The following ARAP1 variants were observed in gnomAD, a reference collection of about 807,000 sequenced individuals.
ARAP1 encodes the protein arf-GAP with Rho-GAP domain, ANK repeat and PH domain-containing protein 1.
In ARAP1, 76 loss-of-function variants were observed where a neutral mutation model predicts 172.2. The observed-to-expected ratio is 0.44, with a 90% CI of 0.37 to 0.53. The LOEUF (loss-of-function observed/expected upper bound fraction) is 0.53. ARAP1 is among the 20% of genes least tolerant of loss of function. ARAP1 has a pLI of 0.00. For missense variants in ARAP1, 1,686 were observed against 1,977.5 expected, an observed-to-expected ratio of 0.85 and a Z score of 2.80; for synonymous variants, 804 against 803.3, an observed-to-expected ratio of 1.00 and a Z score of -0.01.
intron 33 of ARAP1, among the ~76,000 whole-genome samples, chr11:72,686,855 C>T (rs1855712248): frequency 3.3e-5 from 5 of 152,122 alleles, no homozygotes; most frequent in Admixed American, 3.3e-4. Flanking sequence ...CCACCCCCAC[C>T]CCCGCCAGTG....
intron 3 of ARAP1, among the ~76,000 whole-genome samples, chr11:72,724,474 T>C (rs2135569356): frequency 6.6e-6 from 1 of 152,222 alleles, no homozygotes; most frequent in African/African-American, 2.4e-5. Flanking sequence ...TGTTCCTCTC[T>C]ACATGCCATG....
chr11:72,745,057 G>A (rs1294939657), intron 1 of ARAP1, among the ~76,000 whole-genome samples: 1 of 152,112 alleles, frequency 6.6e-6, no homozygotes, highest in Non-Finnish European at 1.5e-5. Context: ...CTGGAAAAGT[G>A]TCAGTCTCCA....
At chr11:72,705,526 T>G in intron 13 of ARAP1, 1 of 410,900 alleles carries the variant, frequency 2.4e-6, no homozygotes, top group South Asian at 5.2e-5. Context: ...ATTTTCGGCT[T>G]TACAGAACAC....
At chr11:72,751,252 C>T (rs1565236316) in intron 1 of ARAP1, among the ~76,000 whole-genome samples, 1 of 152,146 alleles carries the variant, frequency 6.6e-6, no homozygotes, top group Non-Finnish European at 1.5e-5. Flanking sequence ...TCTCTCTACA[C>T]CTCTGCCAGC....
chr11:72,745,282 G>A (rs1487097314), intron 1 of ARAP1, among the ~76,000 whole-genome samples: 2 of 145,330 alleles, frequency 1.4e-5, no homozygotes, highest in African/African-American at 5.1e-5. Flanking sequence ...TCCGCCTCAC[G>A]GGTTCACGCC....
At chr11:72,737,777 C>T (rs1016044090) in intron 1 of ARAP1, among the ~76,000 whole-genome samples, 3 of 152,090 alleles carry the variant, frequency 2.0e-5, no homozygotes, top group African/African-American at 7.2e-5. Flanking sequence ...GGGGCATGCA[C>T]CATGCCTGGC....
chr11:72,737,147 C>T (rs1408021010), intron 1 of ARAP1, among the ~76,000 whole-genome samples: 1 of 152,166 alleles, frequency 6.6e-6, no homozygotes, highest in African/African-American at 2.4e-5. Context: ...TTGTGGGGGT[C>T]CACCTCCACC....
intron 2 of ARAP1, among the ~76,000 whole-genome samples, chr11:72,732,019 T>C (rs907283492): frequency 3.9e-5 from 6 of 152,144 alleles, no homozygotes; most frequent in Admixed American, 1.3e-4. Context: ...TATATATATA[T>C]GCAAATATAA....
Position 72,726,635 on chromosome 11 carries a change from G to A in ARAP1, c.494C>T (p.Pro165Leu). The A allele has an allele frequency of 3.3e-6, 5 of 1,518,012 alleles. No individual in the cohort carries two copies. The highest frequency in any genetic ancestry group is 1.3e-5 in the South Asian group (1 of 78,504). The allele number at this position is 1,518,012 out of a possible 1,614,324, so 94.0% of individuals were successfully genotyped here. Residue 165 changes from proline to leucine, a missense_variant, in exon 3 of 35, where the codon CCC (proline) becomes CTC (leucine). Transcript: ENST00000393609. This position sits in a 1 kb window ranked among gnomAD's most constrained non-coding sequence, Gnocchi z 6.5. ...VPPVPPRTGP[P>L]RLLVSLPTKE... ...ATCCACTCACCTCACCAGCAGGCGG[G>A]GGGGTCCGGTGCGGGGCGGCACGGG...
At chr11:72,689,484 CCT>C (rs147636294) in intron 30 of ARAP1, 4 of 152,468 alleles carry the variant, frequency 2.6e-5, no homozygotes, top group East Asian at 1.9e-4. Flanking sequence ...CCACCTCCCC[CCT>C]GTTCCCCACC....
intron 15 of ARAP1, 30 bp downstream of exon 15, chr11:72,702,875 T>C (rs1166906495): frequency 1.1e-5 from 17 of 1,550,152 alleles, no homozygotes; most frequent in African/African-American, 1.4e-5. Context: ...CTGCACAGCC[T>C]GGTGGACCCC....
Position 72,693,128 on chromosome 11 carries a change from G to A in ARAP1, c.3954+197C>T. 1 of 813,158 alleles carries A rather than the reference G, an allele frequency of 1.2e-6. No individual in the cohort carries two copies. The highest frequency in any genetic ancestry group is 1.9e-6 in the Non-Finnish European group (1 of 529,550). 50.4% of individuals were successfully genotyped at this position (813,158 alleles called of 1,614,324 possible). ...GGCATCCGGGTGCCAGGGCTTAGTG[G>A]GGCTACAGGGCACACTAGAGTGGCC... On this transcript the variant is annotated intron_variant, in intron 29 of 34. Coordinates refer to ENST00000393609, the MANE Select transcript of ARAP1 (RefSeq NM_001040118.3). The surrounding 1 kb of genome is among the most constrained non-coding windows in gnomAD (Gnocchi z 4.6).
At chr11:72,730,450 G>T (rs58076660) in intron 2 of ARAP1, among the ~76,000 whole-genome samples, 1 of 151,998 alleles carries the variant, frequency 6.6e-6, no homozygotes, top group Non-Finnish European at 1.5e-5. Context: ...TGGGCTGGGC[G>T]CGGTGGCTCA....
chr11:72,739,273 C>A (rs1187006630), intron 1 of ARAP1, among the ~76,000 whole-genome samples: 2 of 152,172 alleles, frequency 1.3e-5, no homozygotes, highest in African/African-American at 4.8e-5. Context: ...CTGTCCTACC[C>A]CAGGCCGCAT....
rs750602765 is a variant in ARAP1 at position 72,697,171 on chromosome 11, C to G, written c.2978G>C (p.Arg993Pro). Residue 993 changes from arginine to proline, a missense_variant, in exon 22 of 35, where the codon CGC becomes CCC. Transcript: ENST00000393609. ...TGTCTTCGATGTCTGCCCACACTTG[C>G]GGTAGATGCCCTCGGAGGTCAGGCC... ...QCGLTSEGIYRKCGQTSKTQR... is the reference protein window; with the variant it reads ...QCGLTSEGIYPKCGQTSKTQR... 1.2e-6 allele frequency: 2 copies of G among 1,602,010 alleles called. No homozygotes were observed. Among genetic ancestry groups the G allele is most frequent in the East Asian group, 2.2e-5 (1 of 44,760 alleles).
intron 1 of ARAP1, among the ~76,000 whole-genome samples, chr11:72,751,084 TC>T (rs1217479461): frequency 1.3e-5 from 2 of 152,144 alleles, no homozygotes; most frequent in African/African-American, 4.8e-5. Flanking sequence ...CCATCAGGGC[TC>T]TGGTGGCCTC....
At chr11:72,718,096 G>A (rs1157343) in intron 3 of ARAP1, among the ~76,000 whole-genome samples, 56,070 of 152,096 alleles carry the variant, frequency 0.37, 10,846 homozygotes, top group African/African-American at 0.45. Flanking sequence ...GGGGCCTCTC[G>A]GAAGCATCTG....
rs118186445 is a variant in ARAP1, at chr11:72,702,092, G to A, written c.2168-309C>T. 4.0e-3 allele frequency among the ~76,000 whole-genome samples: 616 copies of A among 152,372 alleles called. 3 individuals carry two copies. The highest frequency in any genetic ancestry group is 6.1e-3 in the Non-Finnish European group (417 of 68,028). On this transcript the variant is annotated intron_variant, in intron 15 of 34. Coordinates refer to ENST00000393609, the MANE Select transcript of ARAP1 (RefSeq NM_001040118.3). ...AGGCATAGGCCAGGCACACTGGCAT[G>A]AGGGGGGCATTGGGCAAACTCAATA...
chr11:72,697,838 G>A, intron 19 of ARAP1, 73 bp downstream of exon 19: 1 of 1,490,830 alleles, frequency 6.7e-7, no homozygotes, highest in African/African-American at 1.4e-5. Context: ...CAGATTTCCA[G>A]GCAAGGGCTG....
Sources: allele counts gnomAD v4.1 joint callset (sites outside exome capture counted in the v4.1 genomes callset), GRCh38; gene constraint gnomAD v4.1.1; non-coding constraint Gnocchi (gnomAD v3.1); transcripts MANE v1.5; gene names NCBI Gene and HGNC (gene_info 2026-07-23, HGNC 2026-07-21).